Variants in FAIM observed in about 807,000 individuals in gnomAD.
FAIM encodes the protein Fas apoptotic inhibitory molecule, also known as fas apoptotic inhibitory molecule 1.
Under a neutral mutation model 21.2 loss-of-function variants are expected in FAIM, and 14 were observed. That is an observed-to-expected ratio of 0.66 (90% CI 0.44 to 1.03). The LOEUF (loss-of-function observed/expected upper bound fraction) is 1.03, where lower values mean the gene tolerates loss of function less well. Among genes scored for constraint, FAIM ranks in the 50% least tolerant of loss-of-function variants. The pLI is 0.00. For synonymous variants in FAIM, 86 were observed against 80.4 expected (o/e 1.07, Z -0.37); for missense variants, 222 against 247.1 (o/e 0.90, Z 0.68).
In FAIM at chr3:138,619,474, T is replaced by C. The variant is rs371102790; in HGVS notation, c.-16-237T>C. 1.3e-4 allele frequency among the ~76,000 whole-genome samples: 20 copies of C among 152,368 alleles called. No homozygotes were observed. The East Asian group carries it at 3.7e-3, about 28-fold the overall frequency. ...GATAAAGTATACCTTTAAGAAATTA[T>C]AAATCCATAACAGGGAAAAATATGA... On this transcript the variant is annotated intron_variant, in intron 1 of 5. Transcript: ENST00000360570.
chr3:138,622,498 T>C, intron 4 of FAIM, 82 bp downstream of exon 4: 2 of 906,028 alleles, frequency 2.2e-6, no homozygotes, highest in Non-Finnish European at 3.3e-6. Context: ...TCAGACCTTC[T>C]ATGGAGGTTT....
chr3:138,619,588 A>T (rs2042862813), intron 1 of FAIM, 123 bp from the exon 2 acceptor site: 2 of 759,296 alleles, frequency 2.6e-6, no homozygotes, highest in African/African-American at 3.6e-5. Flanking sequence ...CTGAAACTCC[A>T]TGTAATTTAA....
chr3:138,624,591 CAT>C (rs779576835), intron 4 of FAIM, among the ~76,000 whole-genome samples: 1 of 152,126 alleles, frequency 6.6e-6, no homozygotes. Flanking sequence ...GGCAAAATTG[CAT>C]ATGTTATTGA....
intron 3 of FAIM, among the ~76,000 whole-genome samples, chr3:138,621,789 T>C (rs1345140396): frequency 6.6e-6 from 1 of 152,206 alleles, no homozygotes; most frequent in Non-Finnish European, 1.5e-5. Context: ...ATCTTTTTTT[T>C]TTCTTTTTTT....
Position 138,609,417 on chromosome 3 carries a change from C to G in FAIM, c.-17+480C>G, listed in dbSNP as rs573440404. Among the ~76,000 whole-genome samples the G allele has an allele frequency of 2.8e-4, 42 of 152,160 alleles. No individual in the cohort carries two copies. The South Asian group carries it at 8.3e-3, about 30-fold the overall frequency. ...AAGGAAGCAAGCAAAGCAGCCGTGC[C>G]GCTGCTCCCCAGAGACAAGCTGCGT... is the stretch of plus-strand genomic sequence containing the variant. On this transcript the variant is annotated intron_variant, in intron 1 of 5. Coordinates refer to ENST00000360570, the MANE Select transcript of FAIM (RefSeq NM_001033031.2).
chr3:138,620,800 A>AT (rs2042876456), intron 2 of FAIM, among the ~76,000 whole-genome samples: 1 of 152,164 alleles, frequency 6.6e-6, no homozygotes, highest in African/African-American at 2.4e-5. Flanking sequence ...AAAGTCCTTT[A>AT]TTTTTTTAAA....
intron 1 of FAIM, among the ~76,000 whole-genome samples, chr3:138,619,350 T>G (rs542978430): frequency 6.6e-6 from 1 of 152,366 alleles, no homozygotes; most frequent in African/African-American, 2.4e-5. Flanking sequence ...TTCTTACGCT[T>G]CAACTTGAAA....
intron 4 of FAIM, among the ~76,000 whole-genome samples, chr3:138,628,465 T>A (rs985136661): frequency 6.0e-5 from 9 of 149,074 alleles, no homozygotes; most frequent in South Asian, 4.2e-4. Context: ...CATCCTTCTT[T>A]TTTATTTATT....
At position 138,622,301 on chromosome 3, in the gene FAIM, T is replaced by C; in HGVS notation, c.291T>C (p.Tyr97=). The C allele has an allele frequency of 6.2e-7, 1 of 1,614,026 alleles. No homozygotes were observed. ...INIDAISGFA[Y]EYTLEINGKS... ...TAGACGCTATCAGTGGTTTTGCTTATGAATATACTCTGGAAATTAATGGGA... is the reference window on the plus strand; with the variant it reads ...TAGACGCTATCAGTGGTTTTGCTTACGAATATACTCTGGAAATTAATGGGA... Residue 97 remains tyrosine (Y), a synonymous_variant, in exon 4 of 6, where the codon TAT becomes TAC. Coordinates refer to ENST00000360570, the MANE Select transcript of FAIM (RefSeq NM_001033031.2).
At position 138,621,539 on chromosome 3, in the gene FAIM, G is replaced by A. The variant is rs368988098; in HGVS notation, c.177G>A (p.Lys59=). ...AACGAGTAGTATATGTAGATGGAAA[G>A]GTAGGAAGAAAATATGTTACTTTGT... The part of the protein sequence containing the change: ...SGKRVVYVDG[K]EEIRKEWMFK... The change falls in exon 3 of 6, where the codon AAG becomes AAA. Residue 59 remains lysine, a splice_region_variant and synonymous_variant. Coordinates refer to ENST00000360570, the MANE Select transcript of FAIM (RefSeq NM_001033031.2). 6.2e-7 allele frequency: 1 copy of A among 1,609,718 alleles called. No homozygotes were observed. The highest frequency in any genetic ancestry group is 8.5e-7 in the Non-Finnish European group (1 of 1,178,588).
chr3:138,632,824 T>C, intron 5 of FAIM, 106 bp from the exon 6 acceptor site: 1 of 1,095,386 alleles, frequency 9.1e-7, no homozygotes, highest in South Asian at 2.1e-5. Context: ...ATTGTTTAAC[T>C]AATACATTAT....
intron 3 of FAIM, among the ~76,000 whole-genome samples, chr3:138,621,973 G>A (rs1222507095): frequency 2.6e-5 from 4 of 152,004 alleles, no homozygotes; most frequent in African/African-American, 7.2e-5. Context: ...TAGTAGAGAC[G>A]GGGTTTCACT....
At chr3:138,612,679 C>T (rs1216068714) in intron 1 of FAIM, among the ~76,000 whole-genome samples, 1 of 152,102 alleles carries the variant, frequency 6.6e-6, no homozygotes. Flanking sequence ...GATTTCAAAA[C>T]TTTTTGAGTG....
rs770690864 is a variant in FAIM, at chr3:138,629,081, T to C, written c.407-26T>C. The C allele has an allele frequency of 5.8e-6, 9 of 1,556,318 alleles. No individual in the cohort carries two copies. The South Asian group carries it at 8.1e-5, about 14-fold the overall frequency. On this transcript the variant is annotated intron_variant, in intron 4 of 5. Coordinates refer to ENST00000360570, the MANE Select transcript of FAIM (RefSeq NM_001033031.2). ...TATCTTTAAATCACAGAATTATAAC[T>C]TAAAGTTTTTATGTTACCTTTACAG... is the stretch of plus-strand genomic sequence containing the variant.
intron 4 of FAIM, among the ~76,000 whole-genome samples, chr3:138,626,285 G>A (rs1399158736): frequency 2.6e-5 from 4 of 152,108 alleles, no homozygotes; most frequent in African/African-American, 9.7e-5. Flanking sequence ...ACTTTGAATA[G>A]GTTACATACT....
intron 1 of FAIM, among the ~76,000 whole-genome samples, chr3:138,615,900 G>C (rs539250089): frequency 6.6e-6 from 1 of 152,240 alleles, no homozygotes; most frequent in Non-Finnish European, 1.5e-5. Flanking sequence ...AGGTGATAGA[G>C]AAGCCCAAAA....
chr3:138,614,030 A>G (rs906242859), intron 1 of FAIM, among the ~76,000 whole-genome samples: 1 of 152,250 alleles, frequency 6.6e-6, no homozygotes, highest in Admixed American at 6.5e-5. Flanking sequence ...TCCCCATAAC[A>G]TCTGTTGAAG....
intron 1 of FAIM, among the ~76,000 whole-genome samples, chr3:138,615,745 C>G (rs913561032): frequency 1.1e-4 from 16 of 152,160 alleles, no homozygotes; most frequent in African/African-American, 3.6e-4. Flanking sequence ...TAACCTGTTG[C>G]ATTTGTGGCT....
chr3:138,614,484 C>T (rs569522035), intron 1 of FAIM, among the ~76,000 whole-genome samples: 33 of 152,076 alleles, frequency 2.2e-4, no homozygotes, highest in Admixed American at 3.9e-4. Context: ...TTTCTGACAG[C>T]GTCTAGTACA....
Sources: allele counts gnomAD v4.1 joint callset (sites outside exome capture counted in the v4.1 genomes callset), GRCh38; gene constraint gnomAD v4.1.1; transcripts MANE v1.5; gene names NCBI Gene and HGNC (gene_info 2026-07-23, HGNC 2026-07-21).